The following ENTPD1 variants were observed in gnomAD, a reference collection of about 807,000 sequenced individuals.
The protein encoded by ENTPD1 is ATP diphosphohydrolase.
A neutral mutation model predicts 57.0 loss-of-function variants in ENTPD1; 33 were observed. The observed-to-expected ratio is 0.58, with a 90% CI of 0.44 to 0.77. The LOEUF is 0.77. Among genes scored for constraint, ENTPD1 ranks in the 30% least tolerant of loss-of-function variants. The pLI is 0.00. For synonymous variants in ENTPD1, 202 were observed against 218.8 expected, an observed-to-expected ratio of 0.92 and a Z score of 0.68; for missense variants, 501 against 603.4, an observed-to-expected ratio of 0.83 and a Z score of 1.78.
At chr10:95,804,602 T>G (rs1206037232) in intron 1 of ENTPD1, among the ~76,000 whole-genome samples, 8 of 152,212 alleles carry the variant, frequency 5.3e-5, no homozygotes, top group Non-Finnish European at 8.8e-5. Context: ...ACAATGGGGT[T>G]TTCTAAATAT....
chr10:95,717,633 CTAGGTTTAGGA>C (rs2097973004), intron 1 of ENTPD1, among the ~76,000 whole-genome samples: 1 of 152,134 alleles, frequency 6.6e-6, no homozygotes, highest in Non-Finnish European at 1.5e-5. Context: ...CCTTTCCCAG[CTAGGTTTAGGA>C]ATTCTTAGTC....
chr10:95,785,198 A>T (rs576233536), intron 1 of ENTPD1: 4 of 152,170 alleles, frequency 2.6e-5, no homozygotes, highest in Non-Finnish European at 5.9e-5. Flanking sequence ...CAGTTGTTAC[A>T]ACTTGCATTC....
At chr10:95,823,467 G>A in intron 2 of ENTPD1, 103 bp downstream of exon 2, 1 of 1,561,048 alleles carries the variant, frequency 6.4e-7, no homozygotes, top group Non-Finnish European at 8.8e-7. Context: ...ACGAGTTGAG[G>A]TTCTAACAGC....
At chr10:95,778,954 A>G (rs1589793443) in intron 1 of ENTPD1, among the ~76,000 whole-genome samples, 1 of 152,086 alleles carries the variant, frequency 6.6e-6, no homozygotes, top group African/African-American at 2.4e-5. Context: ...TTCTCTTACC[A>G]TGGGCAGCTG....
Position 95,795,576 on chromosome 10 carries a change from A to G in ENTPD1, c.17-27661A>G, listed in dbSNP as rs1025991731. The stretch of plus-strand genomic sequence containing the variant: ...TAAGACCATGGGGTCCGGTGAGATC[A>G]CTCTAATCATTTTTTCATACAGAGC... On this transcript the variant is annotated intron_variant, in intron 1 of 9. Coordinates refer to ENST00000371205, the MANE Select transcript of ENTPD1 (RefSeq NM_001776.6). Among the ~76,000 whole-genome samples the G allele has an allele frequency of 3.5e-4, 54 of 152,116 alleles. 1 individual carries two copies. The highest frequency in any genetic ancestry group is 3.5e-3 in the Admixed American group (54 of 15,266).
intron 1 of ENTPD1, among the ~76,000 whole-genome samples, chr10:95,802,260 G>A (rs569016692): frequency 1.5e-4 from 23 of 152,298 alleles, no homozygotes; most frequent in African/African-American, 5.5e-4. Flanking sequence ...CAAAAGACCT[G>A]AGATCTATAA....
chr10:95,787,359 G>A (rs2098184163), intron 1 of ENTPD1, among the ~76,000 whole-genome samples: 1 of 152,102 alleles, frequency 6.6e-6, no homozygotes, highest in Non-Finnish European at 1.5e-5. Flanking sequence ...ATTACAAGAG[G>A]GCTTGGAAGG....
chr10:95,817,541 C>A (rs1481963054), intron 1 of ENTPD1, among the ~76,000 whole-genome samples: 1 of 152,220 alleles, frequency 6.6e-6, no homozygotes, highest in Non-Finnish European at 1.5e-5. Flanking sequence ...AAAGCCCTCA[C>A]TAGTGCCCTC....
intron 1 of ENTPD1, among the ~76,000 whole-genome samples, chr10:95,719,256 T>C (rs2097974891): frequency 6.6e-6 from 1 of 152,210 alleles, no homozygotes; most frequent in South Asian, 2.1e-4. Context: ...CTCTTTTTTC[T>C]GTGACATATA....
chr10:95,782,698 T>C (rs968617342), intron 1 of ENTPD1, among the ~76,000 whole-genome samples: 2 of 152,202 alleles, frequency 1.3e-5, no homozygotes, highest in African/African-American at 2.4e-5. Flanking sequence ...CCTTGCCTTA[T>C]TGATTTCATC....
chr10:95,767,592 T>A (rs181778260), intron 1 of ENTPD1, among the ~76,000 whole-genome samples: 8 of 152,260 alleles, frequency 5.3e-5, no homozygotes, highest in African/African-American at 1.9e-4. Flanking sequence ...ATGAATTTAA[T>A]GAATTTTAAT....
chr10:95,724,687 C>T (rs1354640644), intron 1 of ENTPD1, among the ~76,000 whole-genome samples: 2 of 152,268 alleles, frequency 1.3e-5, no homozygotes, highest in African/African-American at 4.8e-5. Flanking sequence ...AGACACCCTG[C>T]TGGATCCAGA....
chr10:95,852,929 C>T (rs1051615466), intron 7 of ENTPD1, among the ~76,000 whole-genome samples: 3 of 152,090 alleles, frequency 2.0e-5, no homozygotes, highest in African/African-American at 7.2e-5. Context: ...TTTTTGGTTC[C>T]ATATGAACTT....
chr10:95,791,398 T>G lies in ENTPD1; in HGVS notation c.17-31839T>G, dbSNP rs2098203122. On this transcript the variant is annotated intron_variant, in intron 1 of 9. Transcript: ENST00000371205. This position sits in a 1 kb window ranked among gnomAD's most constrained non-coding sequence, Gnocchi z 4.1. ...TATTTAGCCTGGAGAATAGGGGACT[T>G]GAGGATGGGGTTTATATACTGGCAA... Among the ~76,000 whole-genome samples the G allele has an allele frequency of 1.3e-5, 2 of 152,090 alleles. No individual in the cohort carries two copies. The highest frequency in any genetic ancestry group is 2.9e-5 in the Non-Finnish European group (2 of 68,012).
chr10:95,701,746 A>G, the ENTPD1 span, among the ~76,000 whole-genome samples: 25,379 of 152,118 alleles, frequency 0.17, 2,532 homozygotes, highest in African/African-American at 0.27. Flanking sequence ...GCTTGCCACA[A>G]TGCATTAAAA....
chr10:95,821,961 G>A (rs2098353370), intron 1 of ENTPD1, among the ~76,000 whole-genome samples: 1 of 148,522 alleles, frequency 6.7e-6, no homozygotes, highest in Admixed American at 6.7e-5. Flanking sequence ...CTTCCTCTAT[G>A]CAATCTGTTT....
intron 7 of ENTPD1, 57 bp from the exon 8 acceptor site, chr10:95,860,412 G>T (rs2098463387): frequency 4.9e-6 from 7 of 1,428,494 alleles, no homozygotes; most frequent in Non-Finnish European, 5.8e-6. Flanking sequence ...CTTTAGGAGA[G>T]CAAGTTGGCA....
At chr10:95,811,824 A>T (rs1258073865) in intron 1 of ENTPD1, among the ~76,000 whole-genome samples, 1 of 152,230 alleles carries the variant, frequency 6.6e-6, no homozygotes, top group Admixed American at 6.5e-5. Flanking sequence ...ACATCAGTTG[A>T]TGGACTTTTA....
intron 1 of ENTPD1, among the ~76,000 whole-genome samples, chr10:95,725,699 A>G (rs1262542052): frequency 6.6e-6 from 1 of 152,154 alleles, no homozygotes; most frequent in African/African-American, 2.4e-5. Flanking sequence ...CTCCTGCTCA[A>G]TCTGTTTGTG....
Sources: gnomAD v4.1 joint callset for allele counts (sites outside exome capture counted in the v4.1 genomes callset) on GRCh38, gnomAD v4.1.1 for gene constraint, Gnocchi (gnomAD v3.1) non-coding constraint, MANE v1.5 for transcripts, NCBI Gene and HGNC (gene_info 2026-07-23, HGNC 2026-07-21) for gene names.